Variants in KANK1 observed in about 807,000 individuals in gnomAD.
The protein encoded by KANK1 is KN motif and ankyrin repeat domains 1.
In KANK1, 109 loss-of-function variants were observed where a neutral mutation model predicts 106.2. The observed-to-expected ratio is 1.03, with a 90% confidence interval of 0.88 to 1.20. The LOEUF (loss-of-function observed/expected upper bound fraction) is 1.20. Among genes scored for constraint, KANK1 ranks in the 50% most tolerant of loss-of-function variants. KANK1 has a pLI of 0.00. For synonymous variants in KANK1, 873 were observed against 652.2 expected (o/e 1.34, Z -5.16); for missense variants, 2,399 against 1,710.7 (o/e 1.40, Z -7.10).
At chr9:635,448 G>A (rs761281862) in intron 1 of KANK1, among the ~76,000 whole-genome samples, 8 of 152,080 alleles carry the variant, frequency 5.3e-5, no homozygotes, top group African/African-American at 9.7e-5. Context: ...CACAGACCCT[G>A]ACTTTATTTG....
At chr9:570,397 T>G (rs1818870723) in intron 1 of KANK1, among the ~76,000 whole-genome samples, 1 of 152,214 alleles carries the variant, frequency 6.6e-6, no homozygotes, top group South Asian at 2.1e-4. Context: ...GCTGCACTGT[T>G]GTCCAGTGGG....
chr9:471,931 C>G (rs1319048566), intron 2 of KANK1, among the ~76,000 whole-genome samples: 6 of 152,234 alleles, frequency 3.9e-5, no homozygotes, highest in African/African-American at 1.2e-4. Flanking sequence ...GGCTGACTCC[C>G]CGAGCACAAG....
chr9:691,780 ATT>A (rs71314726), intron 2 of KANK1, among the ~76,000 whole-genome samples: 2 of 130,950 alleles, frequency 1.5e-5, no homozygotes, highest in Non-Finnish European at 3.2e-5. Context: ...CACCTAGCTA[ATT>A]TTTTTTTTTT....
intron 1 of KANK1, among the ~76,000 whole-genome samples, chr9:579,546 C>T (rs573821326): frequency 3.3e-5 from 5 of 152,210 alleles, no homozygotes; most frequent in South Asian, 2.1e-4. Flanking sequence ...ATCTGGAGCC[C>T]GCCTGTCAGC....
rs780815658 is a variant in KANK1, at chr9:676,951, C to G, written c.-22C>G. On this transcript the variant is annotated 5_prime_UTR_variant, in exon 2 of 12. It adds an upstream start codon to the 5' untranslated region. Transcript: ENST00000382297. ...CATGACTCCTCACTCCTTTCTGGAT[C>G]TCTCATTGGACTCAAGCCAGCATGG... The G allele has an allele frequency of 6.2e-7, 1 of 1,611,034 alleles. No homozygotes were observed. Among genetic ancestry groups the G allele is most frequent in the African/African-American group, 1.3e-5 (1 of 74,852 alleles).
chr9:639,297 T>G (rs1358886354), intron 1 of KANK1, among the ~76,000 whole-genome samples: 1 of 152,136 alleles, frequency 6.6e-6, no homozygotes, highest in African/African-American at 2.4e-5. Context: ...ACATGGAGAT[T>G]TGATCTTTGA....
At position 712,792 on chromosome 9, in the gene KANK1, G is replaced by C; in HGVS notation, c.2026G>C (p.Asp676His). 1.9e-6 allele frequency: 3 copies of C among 1,613,904 alleles called. No homozygotes were observed. The highest frequency in any genetic ancestry group is 2.5e-6 in the Non-Finnish European group (3 of 1,179,904). ...TACTGCAGACCAGGACACTAGCACA[G>C]ATTTGGAACAGGTGCACCAGTTCAC... is the stretch of plus-strand genomic sequence containing the variant. ...PRTADQDTSTDLEQVHQFTNT... is the reference protein window; with the variant it reads ...PRTADQDTSTHLEQVHQFTNT... The change falls in exon 3 of 12, where the codon GAT becomes CAT. Residue 676 changes from aspartate to histidine, a missense_variant. Asp to His is a moderately conservative substitution (Grantham distance 81, BLOSUM62 -1). Coordinates refer to ENST00000382297, the MANE Select transcript of KANK1 (RefSeq NM_015158.5).
intron 1 of KANK1, among the ~76,000 whole-genome samples, chr9:636,105 C>G (rs917450422): frequency 2.0e-5 from 3 of 152,146 alleles, no homozygotes; most frequent in African/African-American, 7.2e-5. Flanking sequence ...ATTGGAGGAG[C>G]TTTCAAACAA....
At chr9:592,649 T>G (rs932304530) in intron 1 of KANK1, among the ~76,000 whole-genome samples, 1 of 151,920 alleles carries the variant, frequency 6.6e-6, no homozygotes, top group African/African-American at 2.4e-5. Context: ...ATTTACCTTA[T>G]TGTAGTTTTA....
intron 1 of KANK1, among the ~76,000 whole-genome samples, chr9:545,773 C>T (rs114963523): frequency 0.048 from 6,477 of 135,708 alleles, 151 homozygotes; most frequent in Non-Finnish European, 0.056. Flanking sequence ...GATGTAGTCT[C>T]GCTGCTCTGT....
At chr9:651,008 A>G (rs542703311) in intron 1 of KANK1, among the ~76,000 whole-genome samples, 3 of 152,272 alleles carry the variant, frequency 2.0e-5, no homozygotes, top group Admixed American at 6.5e-5. Context: ...AAATAAAGCA[A>G]CAGGGCCACC....
intron 3 of KANK1, among the ~76,000 whole-genome samples, chr9:498,121 G>T (rs797008219): frequency 2.2e-4 from 33 of 152,238 alleles, no homozygotes; most frequent in African/African-American, 6.3e-4. Context: ...GATCCTTACT[G>T]CAACTTAATG....
chr9:498,917 C>T (rs1244504857), intron 3 of KANK1, among the ~76,000 whole-genome samples: 1 of 152,174 alleles, frequency 6.6e-6, no homozygotes, highest in Non-Finnish European at 1.5e-5. Flanking sequence ...GTGGCTCACG[C>T]CTTTAATCCC....
chr9:602,006 C>A (rs992210116), intron 1 of KANK1, among the ~76,000 whole-genome samples: 2 of 151,728 alleles, frequency 1.3e-5, no homozygotes, highest in African/African-American at 4.9e-5. Context: ...GTCTGAAACT[C>A]GTTTTTAACA....
chr9:582,277 A>C (rs1431601466), intron 1 of KANK1, among the ~76,000 whole-genome samples: 1 of 151,982 alleles, frequency 6.6e-6, no homozygotes, highest in East Asian at 1.9e-4. Context: ...TGTCAGGAGG[A>C]TTTGAGGCAT....
rs1482240241 is a variant in KANK1, at chr9:745,269, T to C, written c.*34T>C. ...AAATAGCCCTTTATTTACATGCCACTATTAAGCTGCTAATTGTTCCTGTTG... is the reference window on the plus strand; with the variant it reads ...AAATAGCCCTTTATTTACATGCCACCATTAAGCTGCTAATTGTTCCTGTTG... On this transcript the variant is annotated 3_prime_UTR_variant, in exon 12 of 12. Coordinates refer to ENST00000382297, the MANE Select transcript of KANK1 (RefSeq NM_015158.5). 3 of 1,612,712 alleles carry C rather than the reference T, an allele frequency of 1.9e-6. No homozygotes were observed. The highest frequency in any genetic ancestry group is 2.5e-6 in the Non-Finnish European group (3 of 1,178,858).
At chr9:645,144 A>AAAAT (rs1381149889) in intron 1 of KANK1, among the ~76,000 whole-genome samples, 2 of 147,586 alleles carry the variant, frequency 1.4e-5, no homozygotes, top group African/African-American at 5.2e-5. Flanking sequence ...AAAAAAAAAA[A>AAAAT]AAGAATTAGG....
intron 1 of KANK1, among the ~76,000 whole-genome samples, chr9:573,886 G>C (rs967269190): frequency 6.6e-6 from 1 of 152,192 alleles, no homozygotes; most frequent in African/African-American, 2.4e-5. Flanking sequence ...TGGGTGGACT[G>C]TAGATGAACA....
chr9:742,920 G>C (rs1021036540), intron 10 of KANK1, among the ~76,000 whole-genome samples: 1 of 152,316 alleles, frequency 6.6e-6, no homozygotes, highest in East Asian at 1.9e-4. Context: ...TTGACTTCTT[G>C]AAGCGTTTTC....
Sources: allele counts gnomAD v4.1 joint callset (sites outside exome capture counted in the v4.1 genomes callset), GRCh38; gene constraint gnomAD v4.1.1; transcripts MANE v1.5; gene names NCBI Gene and HGNC (gene_info 2026-07-23, HGNC 2026-07-21).